The following CTDSP2 variants were observed in gnomAD, a reference collection of about 807,000 sequenced individuals.
CTDSP2 encodes the protein CTD small phosphatase 2, also known as carboxy-terminal domain RNA polymerase II polypeptide A small phosphatase 2.
A neutral mutation model predicts 31.6 loss-of-function variants in CTDSP2; 9 were observed. The ratio of observed to expected loss-of-function variants is 0.28; its 90% CI spans 0.17 to 0.50. The LOEUF (loss-of-function observed/expected upper bound fraction) is 0.50, where lower values mean the gene tolerates loss of function less well. Ranked by LOEUF, CTDSP2 falls within the 20% of genes least tolerant of loss-of-function variation. The pLI is 0.98. For synonymous variants in CTDSP2, 134 were observed against 134.5 expected (o/e 1.00, Z 0.03); for missense variants, 267 against 348.5 (o/e 0.77, Z 1.86).
Position 57,820,341 on chromosome 12 carries a change from T to C in CTDSP2, c.*3261A>G, listed in dbSNP as rs1328036101. 3.3e-5 allele frequency: 5 copies of C among 152,166 alleles called. No individual in the cohort carries two copies. The East Asian group carries it at 9.7e-4, about 29-fold the overall frequency. 9.4% of individuals were successfully genotyped at this position (152,166 alleles called of 1,614,324 possible). ...GAGAAAAAAGACAGAACTAAACCCGTTTAGGAAAAAGGGACCGAGGGACAG... is the reference window on the plus strand; with the variant it reads ...GAGAAAAAAGACAGAACTAAACCCGCTTAGGAAAAAGGGACCGAGGGACAG... On this transcript the variant is annotated 3_prime_UTR_variant, in exon 8 of 8. Transcript: ENST00000398073.
At chr12:57,839,707 G>C (rs1274233488) in intron 1 of CTDSP2, among the ~76,000 whole-genome samples, 1 of 151,916 alleles carries the variant, frequency 6.6e-6, no homozygotes. Flanking sequence ...CTGGGCGACA[G>C]AGCAAGACTC....
chr12:57,824,179 C>T lies in CTDSP2; in HGVS notation c.504+48G>A, dbSNP rs200561450. The T allele has an allele frequency of 5.7e-3, 9,246 of 1,608,718 alleles. 43 individuals carry two copies. Among genetic ancestry groups the T allele is most frequent in the Non-Finnish European group, 7.1e-3 (8,304 of 1,175,192 alleles). Reference sequence around the variant, plus strand: ...CAAAAGGGAGCTGCTGGACCACCCCCGTGGCCACCACACCCACTCCTGGTT... The same window carrying T: ...CAAAAGGGAGCTGCTGGACCACCCCTGTGGCCACCACACCCACTCCTGGTT... On this transcript the variant is annotated intron_variant, in intron 6 of 7. Transcript: ENST00000398073.
rs567679377 is a variant in CTDSP2 at position 57,829,483 on chromosome 12, C to G, written c.178G>C (p.Ala60Pro). 1.2e-6 allele frequency: 2 copies of G among 1,614,026 alleles called. No individual in the cohort carries two copies. The highest frequency in any genetic ancestry group is 2.7e-5 in the African/African-American group (2 of 74,922). The change falls in exon 2 of 8, where the codon GCT (alanine) becomes CCT (proline). Residue 60 changes from alanine to proline, a missense_variant. Transcript: ENST00000398073. ...GTGTTTGCTTCCTCCTTATACGCAG[C>G]GAGCTCAGTGGAGGAACTTGACTGG... ...VGQSSSSTEL[A>P]AYKEEANTIA...
rs201492405 is a variant in CTDSP2, at chr12:57,844,684, GCA to G, written c.64+1686_64+1687del. On this transcript the variant is annotated intron_variant, in intron 1 of 7. Coordinates refer to ENST00000398073, the MANE Select transcript of CTDSP2 (RefSeq NM_005730.4). Reference sequence around the variant, plus strand: ...GGCTCCCTTCCTTTTTCAGCCATCAGCACAGTTGAGCAGCCAGCAGAGGCGGT... The same window carrying G: ...GGCTCCCTTCCTTTTTCAGCCATCAGCAGTTGAGCAGCCAGCAGAGGCGGT... Among the ~76,000 whole-genome samples the G allele has an allele frequency of 8.5e-3, 1,287 of 152,228 alleles. 13 individuals carry two copies. The highest frequency in any genetic ancestry group is 0.026 in the African/African-American group (1,098 of 41,532).
chr12:57,826,475 G>A, intron 4 of CTDSP2, 73 bp from the exon 5 acceptor site: 1 of 1,445,786 alleles, frequency 6.9e-7, no homozygotes. Flanking sequence ...ACCCCTAGGT[G>A]GGTGGGGAGA....
At position 57,827,009 on chromosome 12, in the gene CTDSP2, T is replaced by C; in HGVS notation, c.341A>G (p.His114Arg). Residue 114 changes from histidine (H) to arginine (R), a missense_variant, in exon 4 of 8, where the codon CAT (histidine) becomes CGT (arginine). Coordinates refer to ENST00000398073, the MANE Select transcript of CTDSP2 (RefSeq NM_005730.4). ...VVIDLDETLV[H>R]SSFKPINNAD... ...ACATTGAGTTACCTTAAAGGAGCTA[T>C]GCACAAGGGTTTCATCGAGGTCAAT... The C allele has an allele frequency of 6.2e-7, 1 of 1,612,642 alleles. No homozygotes were observed. The highest frequency in any genetic ancestry group is 8.5e-7 in the Non-Finnish European group (1 of 1,179,102).
intron 1 of CTDSP2, among the ~76,000 whole-genome samples, chr12:57,844,219 G>A (rs758112726): frequency 2.0e-5 from 3 of 152,176 alleles, no homozygotes; most frequent in Non-Finnish European, 4.4e-5. Flanking sequence ...ATTACATGGG[G>A]AGGGAGAGAC....
intron 1 of CTDSP2, among the ~76,000 whole-genome samples, chr12:57,841,146 A>G (rs370678901): frequency 3.3e-5 from 5 of 152,222 alleles, no homozygotes; most frequent in African/African-American, 9.6e-5. Flanking sequence ...AGTGAGGGAA[A>G]TATGTCAGGG....
At chr12:57,839,474 T>C (rs1956268126) in intron 1 of CTDSP2, among the ~76,000 whole-genome samples, 1 of 152,140 alleles carries the variant, frequency 6.6e-6, no homozygotes, top group Non-Finnish European at 1.5e-5. Flanking sequence ...ATCCCAGCAC[T>C]TTGGGAGGCC....
rs1956160489 is a variant in CTDSP2, at chr12:57,823,386, CAT to C, written c.*214_*215del. 3 of 585,716 alleles carry C rather than the reference CAT, an allele frequency of 5.1e-6. No homozygotes were observed. Among genetic ancestry groups the C allele is most frequent in the Non-Finnish European group, 9.1e-6 (3 of 328,566 alleles). 36.3% of individuals were successfully genotyped at this position (585,716 alleles called of 1,614,324 possible). A position where few individuals can be genotyped will look rare whatever the true frequency, so the allele number is the denominator to read the frequency against. On this transcript the variant is annotated 3_prime_UTR_variant, in exon 8 of 8. Transcript: ENST00000398073. ...ACACACTCTCTCACAGTCAAACACA[CAT>C]CTCAACAAGTTGGCGGCAGGTAGCT...
Position 57,819,972 on chromosome 12 carries a change from G to A in CTDSP2, c.*3630C>T, listed in dbSNP as rs1253285009. ...ACCCACTTTTATTAATTAATTGTAA[G>A]TAATACAAATATTCCAAAAATATAA... On this transcript the variant is annotated 3_prime_UTR_variant, in exon 8 of 8. Transcript: ENST00000398073. 1 of 152,638 alleles carries A rather than the reference G, an allele frequency of 6.6e-6. No homozygotes were observed. Among genetic ancestry groups the A allele is most frequent in the Non-Finnish European group, 1.5e-5 (1 of 68,038 alleles). 9.5% of individuals were successfully genotyped at this position (152,638 alleles called of 1,614,324 possible). A position where few individuals can be genotyped will look rare whatever the true frequency, so the allele number is the denominator to read the frequency against.
chr12:57,839,062 AGGCTGGCCAACCAGTTCCTCCTTCATAT>A (rs1728535461), intron 1 of CTDSP2, among the ~76,000 whole-genome samples: 2 of 152,212 alleles, frequency 1.3e-5, no homozygotes, highest in African/African-American at 4.8e-5. Context: ...ACACTCATTG[AGGCTGGCCAACCAGTTCCTCCTTCATAT>A]GGCTGGCCTC....
chr12:57,846,601 G>C lies in CTDSP2; in HGVS notation c.-166C>G, dbSNP rs1592246222. 6.8e-6 allele frequency: 4 copies of C among 587,720 alleles called. 1 individual carries two copies. The South Asian group carries it at 1.1e-4, about 16-fold the overall frequency. The allele number at this position is 587,720 out of a possible 1,614,324, so 36.4% of individuals were successfully genotyped here. On this transcript the variant is annotated 5_prime_UTR_variant, in exon 1 of 8. Coordinates refer to ENST00000398073, the MANE Select transcript of CTDSP2 (RefSeq NM_005730.4). ...TTTCCTCCCCGGACCGGGAAGGGAGGCGGCCTGTACAAAGGGCGGGCGGCC... is the reference window on the plus strand; with the variant it reads ...TTTCCTCCCCGGACCGGGAAGGGAGCCGGCCTGTACAAAGGGCGGGCGGCC...
At chr12:57,840,359 C>T (rs1305787688) in intron 1 of CTDSP2, among the ~76,000 whole-genome samples, 4 of 152,218 alleles carry the variant, frequency 2.6e-5, no homozygotes, top group Admixed American at 2.0e-4. Context: ...CCCTTGGCCC[C>T]TCTCCCCACC....
At chr12:57,830,851 C>T (rs1956211335) in intron 1 of CTDSP2, among the ~76,000 whole-genome samples, 1 of 151,912 alleles carries the variant, frequency 6.6e-6, no homozygotes, top group Admixed American at 6.6e-5. Flanking sequence ...TGGGTTCAAG[C>T]GATTCTCCTG....
At chr12:57,832,493 T>C (rs1053840415) in intron 1 of CTDSP2, among the ~76,000 whole-genome samples, 2 of 151,614 alleles carry the variant, frequency 1.3e-5, no homozygotes, top group Admixed American at 1.3e-4. Flanking sequence ...TCATCTCAAA[T>C]TTAAAAAGAA....
At chr12:57,829,299 A>C in intron 2 of CTDSP2, 149 bp downstream of exon 2, 1 of 873,794 alleles carries the variant, frequency 1.1e-6, no homozygotes, top group East Asian at 2.4e-5. Context: ...GAAATACACT[A>C]CTTATGGAAG....
In CTDSP2 at chr12:57,832,790, TAAAAAAAAAAA is replaced by T. The variant is rs61390174; in HGVS notation, c.65-3205_65-3195del. The stretch of plus-strand genomic sequence containing the variant: ...CTGGGCAACAGAGCGAGACTCTGGC[TAAAAAAAAAAA>T]AAAAAAAAAAAAAAAAAGGAAAAGA... On this transcript the variant is annotated intron_variant, in intron 1 of 7. Transcript: ENST00000398073. Among the ~76,000 whole-genome samples, 9 of 44,898 alleles carry T rather than the reference TAAAAAAAAAAA, an allele frequency of 2.0e-4. No homozygotes were observed. In the South Asian group the frequency reaches 4.9e-3, roughly 25 times the overall value. 29.5% of individuals were successfully genotyped at this position (44,898 alleles called of 152,430 possible).
rs943229895 is a variant in CTDSP2 at position 57,827,524 on chromosome 12, G to A, written c.252+28C>T. ...CAGGGATCACAGGATCCTGGCTTCT[G>A]AGTACTTACCAGGCCAGAGTCACGT... On this transcript the variant is annotated intron_variant, in intron 3 of 7. Coordinates refer to ENST00000398073, the MANE Select transcript of CTDSP2 (RefSeq NM_005730.4). The A allele has an allele frequency of 5.0e-6, 8 of 1,612,794 alleles. No individual in the cohort carries two copies. In the African/African-American group the frequency reaches 6.7e-5, roughly 13 times the overall value.
Sources: gnomAD v4.1 joint callset for allele counts (sites outside exome capture counted in the v4.1 genomes callset) on GRCh38, gnomAD v4.1.1 for gene constraint, MANE v1.5 for transcripts, NCBI Gene and HGNC (gene_info 2026-07-23, HGNC 2026-07-21) for gene names.